OLFM3: variants seen among roughly 807,000 people sequenced by gnomAD.
OLFM3 encodes the protein noelin-3.
OLFM3 carries 20 observed loss-of-function variants against 48.6 expected under a neutral mutation model. The observed-to-expected ratio is 0.41, with a 90% confidence interval of 0.29 to 0.60. The LOEUF is 0.60. Ranked by LOEUF, OLFM3 falls within the 20% of genes least tolerant of loss-of-function variation. The pLI is 0.28. For synonymous variants in OLFM3, 222 were observed against 198.1 expected (o/e 1.12, Z -1.01); for missense variants, 437 against 544.3 (o/e 0.80, Z 1.96).
intron 1 of OLFM3, among the ~76,000 whole-genome samples, chr1:101,965,152 C>G (rs143451353): frequency 6.6e-6 from 1 of 152,160 alleles, no homozygotes; most frequent in Admixed American, 6.5e-5. Flanking sequence ...ACAGAAGGAG[C>G]CACTGGAATT....
intron 1 of OLFM3, among the ~76,000 whole-genome samples, chr1:101,896,701 A>G (rs1658219395): frequency 7.9e-6 from 1 of 126,866 alleles, no homozygotes; most frequent in Non-Finnish European, 1.6e-5. Context: ...TTTAGTAGAG[A>G]CGGGGTTTCA....
At chr1:101,812,598 C>T (rs1026963519) in intron 4 of OLFM3, 2 of 985,392 alleles carry the variant, frequency 2.0e-6, no homozygotes, top group Non-Finnish European at 2.4e-6. Context: ...CATTTCCAAA[C>T]AACCCACAGC....
intron 1 of OLFM3, chr1:101,882,865 G>T (rs1478233411): frequency 6.6e-6 from 1 of 151,846 alleles, no homozygotes; most frequent in African/African-American, 2.4e-5. Flanking sequence ...GAAGGAGCCT[G>T]ATCACCTGTT....
intron 1 of OLFM3, among the ~76,000 whole-genome samples, chr1:101,972,239 G>C (rs773811371): frequency 1.4e-4 from 21 of 152,140 alleles, no homozygotes; most frequent in Admixed American, 1.2e-3. Context: ...GAATAGTCTT[G>C]TGATATTTCC....
intron 1 of OLFM3, among the ~76,000 whole-genome samples, chr1:101,980,260 G>T (rs185109437): frequency 7.4e-4 from 113 of 152,240 alleles, no homozygotes; most frequent in Non-Finnish European, 1.4e-3. Flanking sequence ...AGGCATGATT[G>T]GTTTTGAAAT....
chr1:101,909,274 A>G (rs1004926217), intron 1 of OLFM3, among the ~76,000 whole-genome samples: 1 of 151,034 alleles, frequency 6.6e-6, no homozygotes, highest in African/African-American at 2.5e-5. Flanking sequence ...AAAACAAAAA[A>G]TCTCCTGAAT....
intron 1 of OLFM3, among the ~76,000 whole-genome samples, chr1:101,942,828 C>A (rs1170587711): frequency 6.6e-6 from 1 of 152,120 alleles, no homozygotes; most frequent in East Asian, 1.9e-4. Flanking sequence ...CTTACAAAAA[C>A]AGAGGGAAAA....
intron 1 of OLFM3, among the ~76,000 whole-genome samples, chr1:101,901,552 C>T (rs1438111986): frequency 6.6e-6 from 1 of 151,774 alleles, no homozygotes; most frequent in Non-Finnish European, 1.5e-5. Context: ...GTCAGCAAAA[C>T]GTAAAATGGA....
intron 1 of OLFM3, among the ~76,000 whole-genome samples, chr1:101,880,243 A>T (rs1428639957): frequency 2.0e-5 from 3 of 151,748 alleles, no homozygotes; most frequent in African/African-American, 7.3e-5. Context: ...TGACCCTCCT[A>T]TTTTTAACTT....
chr1:101,840,621 C>G (rs548950028), intron 1 of OLFM3, among the ~76,000 whole-genome samples: 1 of 152,116 alleles, frequency 6.6e-6, no homozygotes, highest in African/African-American at 2.4e-5. Flanking sequence ...TAGGCACACA[C>G]AATCACGCCC....
At chr1:101,996,600 G>C (rs1415092) in intron 1 of OLFM3, 148 bp downstream of exon 1, 142,874 of 755,436 alleles carry the variant, frequency 0.19, 15,102 homozygotes, top group African/African-American at 0.27. Flanking sequence ...ACCTTGTTAT[G>C]TTCCAAGCAG....
At chr1:101,869,606 A>G (rs957138424) in intron 1 of OLFM3, among the ~76,000 whole-genome samples, 1 of 152,150 alleles carries the variant, frequency 6.6e-6, no homozygotes, top group African/African-American at 2.4e-5. Context: ...ATGTGAGTAC[A>G]TGAAATTTGG....
chr1:101,869,714 C>T (rs564158671), intron 1 of OLFM3, among the ~76,000 whole-genome samples: 1 of 152,194 alleles, frequency 6.6e-6, no homozygotes, highest in Admixed American at 6.5e-5. Context: ...ATGGGAGGGA[C>T]CCAGTGGGAG....
intron 1 of OLFM3, among the ~76,000 whole-genome samples, chr1:101,928,617 T>C (rs1157866678): frequency 1.3e-5 from 2 of 152,138 alleles, no homozygotes; most frequent in Non-Finnish European, 2.9e-5. Context: ...AAAATAAAGT[T>C]TCTTCCTTCA....
chr1:101,955,159 G>T lies in OLFM3; in HGVS notation c.69+41589C>A, dbSNP rs917404835. Among the ~76,000 whole-genome samples, 3 of 151,872 alleles carry T rather than the reference G, an allele frequency of 2.0e-5. No individual in the cohort carries two copies. In the South Asian group the frequency reaches 6.2e-4, roughly 31 times the overall value. ...GTTTTTCTACTATGGTACCTATATC[G>T]TCATTGGAGATCCAAAGAGGAAAAA... On this transcript the variant is annotated intron_variant, in intron 1 of 5. Coordinates refer to ENST00000370103, the MANE Select transcript of OLFM3 (RefSeq NM_058170.4).
chr1:101,879,091 T>A (rs1196840582), intron 1 of OLFM3, among the ~76,000 whole-genome samples: 1 of 151,874 alleles, frequency 6.6e-6, no homozygotes, highest in Admixed American at 6.6e-5. Flanking sequence ...CTAACAAAGT[T>A]AAAGAAAAAC....
Position 101,823,294 on chromosome 1 carries a change from G to A in OLFM3, c.592+1732C>T, listed in dbSNP as rs552709868. Among the ~76,000 whole-genome samples the A allele has an allele frequency of 9.2e-5, 14 of 152,178 alleles. No individual in the cohort carries two copies. The South Asian group carries it at 2.1e-3, about 23-fold the overall frequency. On this transcript the variant is annotated intron_variant, in intron 4 of 5. Coordinates refer to ENST00000370103, the MANE Select transcript of OLFM3 (RefSeq NM_058170.4). ...ATATCAGGATTTGGAAGTGCCTAGC[G>A]AGGACACCAGCTTAGTCTGGGAGGG...
In OLFM3 at chr1:101,885,208, G is replaced by C. The variant is rs537320696; in HGVS notation, c.70-48183C>G. 5.3e-5 allele frequency among the ~76,000 whole-genome samples: 8 copies of C among 152,100 alleles called. No individual in the cohort carries two copies. The East Asian group carries it at 1.6e-3, about 30-fold the overall frequency. On this transcript the variant is annotated intron_variant, in intron 1 of 5. Coordinates refer to ENST00000370103, the MANE Select transcript of OLFM3 (RefSeq NM_058170.4). The stretch of plus-strand genomic sequence containing the variant: ...AAAGGTGGCGAATAAAGGGTTTTCA[G>C]ATATAGATTTTGTAGAAATTCAAGA...
chr1:101,949,746 C>T (rs1048030302), intron 1 of OLFM3, among the ~76,000 whole-genome samples: 24 of 151,962 alleles, frequency 1.6e-4, no homozygotes, highest in African/African-American at 5.1e-4. Flanking sequence ...CTGGCTAACA[C>T]GGGGAAACCC....
Sources: allele counts gnomAD v4.1 joint callset (sites outside exome capture counted in the v4.1 genomes callset), GRCh38; gene constraint gnomAD v4.1.1; transcripts MANE v1.5; gene names NCBI Gene and HGNC (gene_info 2026-07-23, HGNC 2026-07-21).